The following ZC3H12B variants were observed in gnomAD, a reference collection of about 807,000 sequenced individuals.
ZC3H12B encodes the protein zinc finger CCCH-type containing 12B.
In ZC3H12B, 7 loss-of-function variants were observed where a neutral mutation model predicts 43.9. That is an observed-to-expected ratio of 0.16 (90% CI 0.09 to 0.30). The LOEUF (loss-of-function observed/expected upper bound fraction) is 0.30, where lower values mean the gene tolerates loss of function less well. Among genes scored for constraint, ZC3H12B ranks in the 10% least tolerant of loss-of-function variants. The pLI is 1.00. For synonymous variants in ZC3H12B, 222 were observed against 241.7 expected (o/e 0.92, Z 0.76); for missense variants, 475 against 670.2 (o/e 0.71, Z 3.22).
chrX:65,359,665 T>C, the ZC3H12B span, among the ~76,000 whole-genome samples: 4 of 112,520 alleles, frequency 3.6e-5, no homozygotes, highest in Non-Finnish European at 7.5e-5. Flanking sequence ...AAATGAGGAA[T>C]TGCTTTTTAT....
the ZC3H12B span, among the ~76,000 whole-genome samples, chrX:65,205,776 A>T: frequency 9.0e-6 from 1 of 111,193 alleles, no homozygotes; most frequent in East Asian, 2.8e-4. Flanking sequence ...AACCCTAAAG[A>T]CTCATCCAAA....
At chrX:65,288,511 G>T in the ZC3H12B span, among the ~76,000 whole-genome samples, 1 of 112,371 alleles carries the variant, frequency 8.9e-6, no homozygotes, top group Admixed American at 9.4e-5. Flanking sequence ...GTGTATAAAA[G>T]AATAAATGTG....
chrX:65,449,978 G>A (rs190759828), intron 3 of ZC3H12B, among the ~76,000 whole-genome samples: 3 of 110,892 alleles, frequency 2.7e-5, no homozygotes, highest in Non-Finnish European at 5.7e-5. Context: ...GTAACCAAAA[G>A]CCACTTGTAC....
At chrX:65,503,028 T>C in exon 5 of ZC3H12B, 2 of 1,211,212 alleles carry the variant, frequency 1.7e-6, no homozygotes, top group Non-Finnish European at 2.2e-6. Flanking sequence ...AATCCTTGGG[T>C]TGGAATGTGC....
chrX:65,211,449 T>C, the ZC3H12B span, among the ~76,000 whole-genome samples: 1 of 107,606 alleles, frequency 9.3e-6, no homozygotes, highest in Non-Finnish European at 1.9e-5. Context: ...GGCACCATGC[T>C]AAATTCTTTA....
At chrX:65,118,187 A>C in the ZC3H12B span, among the ~76,000 whole-genome samples, 108 of 111,597 alleles carry the variant, frequency 9.7e-4, no homozygotes, top group African/African-American at 2.3e-3. Context: ...ATTCTTCCTA[A>C]ACAGGAGCAT....
chrX:65,165,465 T>A, the ZC3H12B span, among the ~76,000 whole-genome samples: 2 of 111,903 alleles, frequency 1.8e-5, no homozygotes, highest in Non-Finnish European at 3.8e-5. Context: ...GTGTGGGATG[T>A]TCCCTTCCCT....
chrX:65,118,736 G>A, the ZC3H12B span, among the ~76,000 whole-genome samples: 1 of 108,178 alleles, frequency 9.2e-6, no homozygotes, highest in African/African-American at 3.4e-5. Context: ...TTGCCATGTT[G>A]GTGTGCTGCA....
chrX:65,351,892 T>TTA, the ZC3H12B span, among the ~76,000 whole-genome samples: 2 of 112,329 alleles, frequency 1.8e-5, no homozygotes, highest in Admixed American at 1.9e-4. Context: ...GATCAACCAT[T>TTA]GTAGAAGACA....
the ZC3H12B span, among the ~76,000 whole-genome samples, chrX:65,338,196 C>T: frequency 1.8e-5 from 2 of 110,877 alleles, no homozygotes; most frequent in Non-Finnish European, 3.8e-5. Context: ...TTTAGAACTC[C>T]CATAAGGCTC....
At chrX:65,262,385 A>T in the ZC3H12B span, among the ~76,000 whole-genome samples, 1 of 110,823 alleles carries the variant, frequency 9.0e-6, no homozygotes, top group Admixed American at 9.6e-5. Flanking sequence ...ATAAATAAGC[A>T]GATTCTGCCA....
At chrX:65,264,475 A>G in the ZC3H12B span, among the ~76,000 whole-genome samples, 3 of 111,930 alleles carry the variant, frequency 2.7e-5, no homozygotes, top group African/African-American at 9.7e-5. Flanking sequence ...CCTAATTTTT[A>G]TCTATACAGA....
the ZC3H12B span, among the ~76,000 whole-genome samples, chrX:65,067,314 C>T: frequency 0.13 from 14,064 of 111,578 alleles, 921 homozygotes; most frequent in Non-Finnish European, 0.19. Flanking sequence ...TTGCAAAAAC[C>T]GTGGGAAAAG....
At chrX:65,429,784 C>A (rs987767450) in intron 3 of ZC3H12B, among the ~76,000 whole-genome samples, 11 of 112,212 alleles carry the variant, frequency 9.8e-5, no homozygotes, top group African/African-American at 3.6e-4. Context: ...TGGATCAGGT[C>A]CTGCTTAAAG....
chrX:65,080,291 G>C, the ZC3H12B span, among the ~76,000 whole-genome samples: 1 of 108,822 alleles, frequency 9.2e-6, no homozygotes, highest in African/African-American at 3.3e-5. Context: ...GAGAAAGAAA[G>C]AGATAGGGGT....
chrX:65,244,727 C>CAAAAAAA, the ZC3H12B span, among the ~76,000 whole-genome samples: 96 of 20,236 alleles, frequency 4.7e-3, no homozygotes, highest in Middle Eastern at 0.034. Flanking sequence ...AATACCTTGC[C>CAAAAAAA]AAAAAAAAAA....
chrX:65,212,651 A>T, the ZC3H12B span, among the ~76,000 whole-genome samples: 2 of 86,468 alleles, frequency 2.3e-5, no homozygotes, highest in Non-Finnish European at 2.2e-5. Context: ...ATTATATATC[A>T]TATATTATAT....
At chrX:65,498,742 G>A (rs947499907) in intron 2 of ZC3H12B, among the ~76,000 whole-genome samples, 4 of 111,978 alleles carry the variant, frequency 3.6e-5, no homozygotes, top group Admixed American at 2.8e-4. Context: ...ACTCTTCATG[G>A]TAGTTTTTAA....
the ZC3H12B span, among the ~76,000 whole-genome samples, chrX:65,044,323 A>G: frequency 1.8e-5 from 2 of 111,209 alleles, no homozygotes; most frequent in African/African-American, 6.5e-5. Flanking sequence ...TGTTCAATGA[A>G]TATCAAGGAG....
Sources: gnomAD v4.1 joint callset for allele counts (sites outside exome capture counted in the v4.1 genomes callset) on GRCh38, gnomAD v4.1.1 for gene constraint, MANE v1.5 for transcripts, NCBI Gene and HGNC (gene_info 2026-07-23, HGNC 2026-07-21) for gene names.